The following SLC30A10 variants were observed in gnomAD, a reference collection of about 807,000 sequenced individuals.
The protein encoded by SLC30A10 is solute carrier family 30 member 10, also known as calcium/manganese antiporter SLC30A10.
In SLC30A10, 8 loss-of-function variants were observed where a neutral mutation model predicts 21.7. That is an observed-to-expected ratio of 0.37 (90% CI 0.22 to 0.67). The LOEUF (loss-of-function observed/expected upper bound fraction) is 0.67, where lower values mean the gene tolerates loss of function less well. Among genes scored for constraint, SLC30A10 ranks in the 30% least tolerant of loss-of-function variants. The pLI is 0.58. For synonymous variants in SLC30A10, 272 were observed against 279.4 expected, an observed-to-expected ratio of 0.97 and a Z score of 0.26; for missense variants, 521 against 642.5, an observed-to-expected ratio of 0.81 and a Z score of 2.04.
intron 1 of SLC30A10, among the ~76,000 whole-genome samples, chr1:219,954,484 AGC>A (rs1232681935): frequency 1.3e-5 from 2 of 152,026 alleles, no homozygotes; most frequent in Non-Finnish European, 2.9e-5. Context: ...GTTCAAGACC[AGC>A]CTGGCCAACA....
chr1:219,953,397 C>T (rs567227993), intron 1 of SLC30A10, among the ~76,000 whole-genome samples: 92 of 151,798 alleles, frequency 6.1e-4, no homozygotes, highest in African/African-American at 2.2e-3. Flanking sequence ...GAGATCGAGA[C>T]CATCCTGGCT....
chr1:219,947,403 G>GTAT (rs1660200623), intron 1 of SLC30A10, among the ~76,000 whole-genome samples: 1 of 152,068 alleles, frequency 6.6e-6, no homozygotes, highest in Non-Finnish European at 1.5e-5. Flanking sequence ...ATGGTTGGCA[G>GTAT]GCACCTGTGG....
Position 219,915,945 on chromosome 1 carries a change from C to G in SLC30A10, c.962G>C (p.Ser321Thr). ...PKGVNMEELMSKLSAVPGISS... is the reference protein window; with the variant it reads ...PKGVNMEELMTKLSAVPGISS... ...AATTCCAGGCACAGCAGAGAGTTTA[C>G]TCACTATAACAGAGAAGAGCAAACA... The change falls in exon 4 of 4, where the codon AGT (serine) becomes ACT (threonine). Residue 321 changes from serine to threonine, a missense_variant. By Grantham distance (58) the Ser-to-Thr change is moderately conservative. Transcript: ENST00000366926. 6.2e-7 allele frequency: 1 copy of G among 1,611,844 alleles called. No homozygotes were observed. The highest frequency in any genetic ancestry group is 1.1e-5 in the South Asian group (1 of 91,008).
intron 1 of SLC30A10, among the ~76,000 whole-genome samples, chr1:219,945,201 A>G (rs1282703949): frequency 2.0e-5 from 3 of 152,214 alleles, no homozygotes; most frequent in African/African-American, 7.2e-5. Context: ...GGCTATGACT[A>G]CTAAAGGGTA....
At chr1:219,927,308 T>G (rs1447384055) in intron 1 of SLC30A10, among the ~76,000 whole-genome samples, 2 of 152,208 alleles carry the variant, frequency 1.3e-5, no homozygotes, top group South Asian at 2.1e-4. Context: ...CACACATCCT[T>G]TCAAGTTAAA....
At chr1:219,954,053 A>G (rs1476388928) in intron 1 of SLC30A10, among the ~76,000 whole-genome samples, 1 of 151,942 alleles carries the variant, frequency 6.6e-6, no homozygotes, top group Non-Finnish European at 1.5e-5. Flanking sequence ...GAGAGACAGC[A>G]AATTCCCCTT....
rs530786291 is a variant in SLC30A10, at chr1:219,926,647, G to A, written c.718+381C>T. Among the ~76,000 whole-genome samples the A allele has an allele frequency of 9.9e-5, 15 of 152,222 alleles. No homozygotes were observed. The East Asian group carries it at 2.5e-3, about 25-fold the overall frequency. ...AGGGTCACTCAGCAATGCGAGATAG[G>A]GCATAACCTTGGATAGCAGCTCACC... On this transcript the variant is annotated intron_variant, in intron 2 of 3. Coordinates refer to ENST00000366926, the MANE Select transcript of SLC30A10 (RefSeq NM_018713.3).
At chr1:219,919,952 A>G (rs1474690722) in intron 2 of SLC30A10, among the ~76,000 whole-genome samples, 3 of 152,192 alleles carry the variant, frequency 2.0e-5, no homozygotes, top group Admixed American at 1.3e-4. Context: ...ACTCATGGCT[A>G]AGACTAAACA....
At chr1:219,944,405 G>GCA (rs1175680160) in intron 1 of SLC30A10, among the ~76,000 whole-genome samples, 4 of 151,928 alleles carry the variant, frequency 2.6e-5, no homozygotes, top group African/African-American at 2.4e-5. Flanking sequence ...CCGAGATCGC[G>GCA]CCACTGCAGT....
chr1:219,954,139 C>T (rs891949993), intron 1 of SLC30A10, among the ~76,000 whole-genome samples: 1 of 151,956 alleles, frequency 6.6e-6, no homozygotes, highest in Non-Finnish European at 1.5e-5. Flanking sequence ...AAAAGGAAAC[C>T]TGACTTGTTT....
chr1:219,911,865 T>C lies in SLC30A10; in HGVS notation c.*3584A>G, dbSNP rs916690949. The stretch of plus-strand genomic sequence containing the variant: ...TTATATGTGGCAATGTCTGGAGACA[T>C]TGGTTGTCACAACTTCGGGGGACAG... On this transcript the variant is annotated 3_prime_UTR_variant, in exon 4 of 4. Coordinates refer to ENST00000366926, the MANE Select transcript of SLC30A10 (RefSeq NM_018713.3). 1.6e-4 allele frequency among the ~76,000 whole-genome samples: 25 copies of C among 152,196 alleles called. No homozygotes were observed. Among genetic ancestry groups the C allele is most frequent in the Admixed American group, 7.2e-4 (11 of 15,282 alleles).
At chr1:219,941,060 A>T (rs1266222120) in intron 1 of SLC30A10, among the ~76,000 whole-genome samples, 1 of 152,236 alleles carries the variant, frequency 6.6e-6, no homozygotes, top group East Asian at 1.9e-4. Flanking sequence ...GAGAAGGAAA[A>T]AGACCAGCTT....
chr1:219,912,065 T>C lies in SLC30A10; in HGVS notation c.*3384A>G, dbSNP rs1022833281. Among the ~76,000 whole-genome samples, 2 of 150,094 alleles carry C rather than the reference T, an allele frequency of 1.3e-5. No individual in the cohort carries two copies. Among genetic ancestry groups the C allele is most frequent in the African/African-American group, 4.9e-5 (2 of 40,744 alleles). ...ACCTCACAGGGCAGCTGTCTTATTG[T>C]AATCCCAAATCTACCTCAGTGATTT... is the stretch of plus-strand genomic sequence containing the variant. On this transcript the variant is annotated 3_prime_UTR_variant, in exon 4 of 4. Coordinates refer to ENST00000366926, the MANE Select transcript of SLC30A10 (RefSeq NM_018713.3).
At chr1:219,951,634 T>C (rs1007111671) in intron 1 of SLC30A10, among the ~76,000 whole-genome samples, 2 of 151,118 alleles carry the variant, frequency 1.3e-5, no homozygotes, top group African/African-American at 2.4e-5. Context: ...GGCAGGAGAA[T>C]GGCGTGAACC....
chr1:219,939,927 G>A (rs1212493548), intron 1 of SLC30A10, among the ~76,000 whole-genome samples: 1 of 152,190 alleles, frequency 6.6e-6, no homozygotes, highest in Non-Finnish European at 1.5e-5. Context: ...ATGTGGAAGT[G>A]ATGAGAATCA....
upstream of SLC30A10, among the ~76,000 whole-genome samples, chr1:219,929,271 C>G (rs1024408967): frequency 1.3e-5 from 2 of 152,184 alleles, no homozygotes. Context: ...CTGGGTGAAT[C>G]GCAGGCAGCC....
At chr1:219,936,446 T>A (rs1660046392) in intron 1 of SLC30A10, among the ~76,000 whole-genome samples, 1 of 152,180 alleles carries the variant, frequency 6.6e-6, no homozygotes, top group South Asian at 2.1e-4. Context: ...AACCCCTCCC[T>A]GCTTTCCTGT....
chr1:219,917,708 C>CTTTTTTTTTTTTTTTTTTTTTTTCT (rs35106027), intron 3 of SLC30A10, among the ~76,000 whole-genome samples: 1 of 104,106 alleles, frequency 9.6e-6, no homozygotes, highest in Non-Finnish European at 1.9e-5. Context: ...TTTTTCTTTC[C>CTTTTTTTTTTTTTTTTTTTTTTTCT]TTTTTTTTTT....
At position 219,928,406 on chromosome 1, in the gene SLC30A10, A is replaced by T; in HGVS notation, c.35T>A (p.Leu12His). Residue 12 changes from leucine to histidine, a missense_variant, in exon 1 of 4, where the codon CTC becomes CAC. Leu to His is a moderately conservative substitution (Grantham distance 99, BLOSUM62 -3). Coordinates refer to ENST00000366926, the MANE Select transcript of SLC30A10 (RefSeq NM_018713.3). The surrounding 1 kb of genome is among the most constrained non-coding windows in gnomAD (Gnocchi z 6.3). ...GGCGACGGTGAGCACCAGCATGAAG[A>T]GCAGCCGGCACGTCTTGCCAGAGTA... ...GRYSGKTCRL[L>H]FMLVLTVAFF... 6.2e-7 allele frequency: 1 copy of T among 1,613,046 alleles called. No individual in the cohort carries two copies. The highest frequency in any genetic ancestry group is 8.5e-7 in the Non-Finnish European group (1 of 1,179,578).
Sources: allele counts gnomAD v4.1 joint callset (sites outside exome capture counted in the v4.1 genomes callset), GRCh38; gene constraint gnomAD v4.1.1; non-coding constraint Gnocchi (gnomAD v3.1); transcripts MANE v1.5; gene names NCBI Gene and HGNC (gene_info 2026-07-23, HGNC 2026-07-21).